Variants in EPHA3 observed in about 807,000 individuals in gnomAD.
EPHA3 encodes EPH receptor A3, also known as ephrin type-A receptor 3.
In EPHA3, 42 loss-of-function variants were observed where a neutral mutation model predicts 107.1. The observed-to-expected ratio is 0.39, with a 90% CI of 0.31 to 0.51. The LOEUF (loss-of-function observed/expected upper bound fraction) is 0.51, where lower values mean the gene tolerates loss of function less well. Ranked by LOEUF, EPHA3 falls within the 20% of genes least tolerant of loss-of-function variation. The probability of loss-of-function intolerance (pLI) is 0.78; values close to 1 mark genes in which losing one functional copy is unlikely to be tolerated. For synonymous variants in EPHA3, 461 were observed against 424.8 expected (o/e 1.09, Z -1.05); for missense variants, 1,183 against 1,211.2 (o/e 0.98, Z 0.35).
At chr3:89,475,524 C>A (rs964842067) in intron 16 of EPHA3, among the ~76,000 whole-genome samples, 13 of 152,122 alleles carry the variant, frequency 8.5e-5, no homozygotes, top group African/African-American at 2.2e-4. Context: ...GAACAAAGCC[C>A]AGAACACATG....
At chr3:89,156,253 G>A (rs1440569117) in intron 2 of EPHA3, among the ~76,000 whole-genome samples, 1 of 152,032 alleles carries the variant, frequency 6.6e-6, no homozygotes, top group African/African-American at 2.4e-5. Context: ...TTGTTTTTGT[G>A]TGAAAGCACT....
chr3:89,222,455 G>T (rs932824685), intron 3 of EPHA3, among the ~76,000 whole-genome samples: 8 of 147,894 alleles, frequency 5.4e-5, no homozygotes, highest in African/African-American at 2.0e-4. Flanking sequence ...ATACTTGTGT[G>T]TGTATATGTA....
At chr3:89,320,123 C>T (rs976359682) in intron 3 of EPHA3, among the ~76,000 whole-genome samples, 1 of 151,814 alleles carries the variant, frequency 6.6e-6, no homozygotes, top group East Asian at 1.9e-4. Flanking sequence ...CATTGCTAGT[C>T]AAAACTAGTC....
At chr3:89,349,593 A>T (rs1232927756) in intron 5 of EPHA3, among the ~76,000 whole-genome samples, 8 of 143,906 alleles carry the variant, frequency 5.6e-5, no homozygotes, top group African/African-American at 1.8e-4. Context: ...GTGTCTTTTA[A>T]TTGGAGCATT....
At chr3:89,245,529 C>A (rs1031699942) in intron 3 of EPHA3, among the ~76,000 whole-genome samples, 1 of 152,072 alleles carries the variant, frequency 6.6e-6, no homozygotes, top group African/African-American at 2.4e-5. Context: ...AGCTTGATTT[C>A]ATAAAAAGAG....
intron 3 of EPHA3, among the ~76,000 whole-genome samples, chr3:89,224,393 A>G (rs919016062): frequency 6.6e-6 from 1 of 152,194 alleles, no homozygotes; most frequent in Non-Finnish European, 1.5e-5. Flanking sequence ...ATTAGGTAAC[A>G]CCAAATTTGC....
intron 3 of EPHA3, among the ~76,000 whole-genome samples, chr3:89,326,545 A>G (rs1000184718): frequency 6.6e-5 from 10 of 151,852 alleles, no homozygotes; most frequent in African/African-American, 2.4e-4. Context: ...AAGTGCCACC[A>G]CACCCTGCTA....
At position 89,210,527 on chromosome 3, in the gene EPHA3, G is replaced by C. The variant is rs982710308; in HGVS notation, c.814+7G>C. The C allele has an allele frequency of 6.6e-7, 1 of 1,524,598 alleles. No homozygotes were observed. The allele number at this position is 1,524,598 out of a possible 1,614,324, so 94.4% of individuals were successfully genotyped here. On this transcript the variant is annotated splice_region_variant and intron_variant, in intron 3 of 16. Coordinates refer to ENST00000336596, the MANE Select transcript of EPHA3 (RefSeq NM_005233.6). ...AGAGGTTTTATGTGCCAAGGTAAGA[G>C]CCTTCTCTATTTTTCTTTGAGCAAT... is the stretch of plus-strand genomic sequence containing the variant.
intron 13 of EPHA3, among the ~76,000 whole-genome samples, chr3:89,435,090 A>T (rs901262021): frequency 1.9e-4 from 29 of 152,070 alleles, no homozygotes; most frequent in African/African-American, 3.4e-4. Flanking sequence ...TCAATTTTTT[A>T]AAAAAACAAA....
chr3:89,119,429 G>T (rs545293022), intron 1 of EPHA3, among the ~76,000 whole-genome samples: 5 of 152,142 alleles, frequency 3.3e-5, no homozygotes, highest in African/African-American at 9.6e-5. Context: ...TTGACACCAT[G>T]CTCCTAAGAT....
At chr3:89,190,901 C>T (rs936826998) in intron 2 of EPHA3, among the ~76,000 whole-genome samples, 16 of 152,240 alleles carry the variant, frequency 1.1e-4, no homozygotes, top group South Asian at 6.2e-4. Context: ...ATAATAACTT[C>T]ATTTTCATTT....
chr3:89,151,565 C>T (rs368885835), intron 2 of EPHA3, among the ~76,000 whole-genome samples: 147 of 152,098 alleles, frequency 9.7e-4, no homozygotes, highest in Non-Finnish European at 1.5e-3. Context: ...TGGTGCTTTG[C>T]GGGAGATGCC....
At chr3:89,414,885 T>G (rs1367117364) in intron 10 of EPHA3, among the ~76,000 whole-genome samples, 1 of 151,596 alleles carries the variant, frequency 6.6e-6, no homozygotes, top group African/African-American at 2.4e-5. Flanking sequence ...CATTAAAGAT[T>G]AGAATAGAGC....
chr3:89,343,867 G>A (rs535044694), intron 5 of EPHA3, among the ~76,000 whole-genome samples: 82 of 152,132 alleles, frequency 5.4e-4, no homozygotes, highest in Middle Eastern at 3.4e-3. Context: ...CTTTGCTTCC[G>A]TTAATGGTAT....
At chr3:89,370,767 C>T (rs745640130) in intron 5 of EPHA3, among the ~76,000 whole-genome samples, 1 of 151,644 alleles carries the variant, frequency 6.6e-6, no homozygotes. Context: ...AAGGAAGTCT[C>T]TTTCTCTCAA....
At chr3:89,428,180 A>G (rs887472534) in intron 11 of EPHA3, among the ~76,000 whole-genome samples, 1 of 151,888 alleles carries the variant, frequency 6.6e-6, no homozygotes, top group African/African-American at 2.4e-5. Context: ...TTCATATGTT[A>G]CATTTTTCCC....
intron 3 of EPHA3, among the ~76,000 whole-genome samples, chr3:89,302,529 G>T (rs562231908): frequency 6.6e-6 from 1 of 152,226 alleles, no homozygotes; most frequent in South Asian, 2.1e-4. Context: ...AATGATTACA[G>T]AATTACAGTC....
intron 3 of EPHA3, among the ~76,000 whole-genome samples, chr3:89,229,202 T>C (rs1297824658): frequency 6.6e-6 from 1 of 151,982 alleles, no homozygotes; most frequent in Non-Finnish European, 1.5e-5. Flanking sequence ...GTGGTATCAG[T>C]TCTTGGCTCT....
rs1217450976 is a variant in EPHA3 at position 89,239,448 on chromosome 3, A to G, written c.814+28928A>G. 3.9e-5 allele frequency among the ~76,000 whole-genome samples: 6 copies of G among 152,288 alleles called. No homozygotes were observed. In the East Asian group the frequency reaches 1.2e-3, roughly 29 times the overall value. On this transcript the variant is annotated intron_variant, in intron 3 of 16. Transcript: ENST00000336596. The stretch of plus-strand genomic sequence containing the variant: ...AATAATGACAATAATAATAATAATA[A>G]TAAATCTTACATCTTAGGGATATTA...
Sources: allele counts gnomAD v4.1 joint callset (sites outside exome capture counted in the v4.1 genomes callset), GRCh38; gene constraint gnomAD v4.1.1; transcripts MANE v1.5; gene names NCBI Gene and HGNC (gene_info 2026-07-23, HGNC 2026-07-21).